Variants in SUMF1 observed in about 807,000 individuals in gnomAD.
SUMF1 encodes the protein sulfatase modifying factor 1.
A neutral mutation model predicts 47.6 loss-of-function variants in SUMF1; 48 were observed. The ratio of observed to expected loss-of-function variants is 1.01; its 90% confidence interval spans 0.80 to 1.28. The LOEUF is 1.28. Among genes scored for constraint, SUMF1 ranks in the 50% most tolerant of loss-of-function variants. The pLI is 0.00. For synonymous variants in SUMF1, 230 were observed against 192.1 expected (o/e 1.20, Z -1.63); for missense variants, 571 against 485.4 (o/e 1.18, Z -1.66).
intron 8 of SUMF1, among the ~76,000 whole-genome samples, chr3:4,109,630 AT>A (rs1454386236): frequency 6.6e-6 from 1 of 151,858 alleles, no homozygotes; most frequent in African/African-American, 2.4e-5. Flanking sequence ...ATTTCTTTTT[AT>A]TCTTTTTTCT....
intron 8 of SUMF1, among the ~76,000 whole-genome samples, chr3:4,075,819 C>G (rs1007206103): frequency 1.3e-5 from 2 of 152,112 alleles, no homozygotes; most frequent in African/African-American, 4.8e-5. Context: ...CTACAAACCA[C>G]TGCTCAATGA....
chr3:4,085,386 G>T (rs1692650011), intron 8 of SUMF1, among the ~76,000 whole-genome samples: 1 of 152,020 alleles, frequency 6.6e-6, no homozygotes, highest in African/African-American at 2.4e-5. Context: ...CCAGAGCTTA[G>T]ACAATAGAGG....
At position 4,269,193 on chromosome 3, in the gene SUMF1, T is replaced by G. The variant is rs111855426; in HGVS notation, c.1014+107137A>C. 8.3e-3 allele frequency among the ~76,000 whole-genome samples: 1,261 copies of G among 152,218 alleles called. 15 individuals are homozygous for G. Among genetic ancestry groups the G allele is most frequent in the African/African-American group, 0.029 (1,200 of 41,528 alleles). ...CACAGAATCATTTTTTTATTATACT[T>G]TAAGTTTTAGGGTACATGTGCACAA... On this transcript the variant is annotated intron_variant and NMD_transcript_variant, in intron 8 of 12. Transcript: ENST00000448413.
intron 8 of SUMF1, among the ~76,000 whole-genome samples, chr3:4,091,617 C>T (rs1026059975): frequency 1.3e-5 from 2 of 152,056 alleles, no homozygotes; most frequent in East Asian, 3.8e-4. Flanking sequence ...AGGATAACAG[C>T]CCTTTATGAC....
At chr3:4,216,416 AAGACCTAAAAC>A (rs1695925315) in intron 8 of SUMF1, among the ~76,000 whole-genome samples, 1 of 152,158 alleles carries the variant, frequency 6.6e-6, no homozygotes, top group Non-Finnish European at 1.5e-5. Context: ...AGTTAAACAT[AAGACCTAAAAC>A]CATAAAAATC....
Position 4,420,149 on chromosome 3 carries a change from C to T in SUMF1, c.520-3G>A, listed in dbSNP as rs1385347605. ...AACCACCAGGGAGCAGCTGCAACCTCAAAGCAACCCAGAACAGGCTGATGT... is the reference window on the plus strand; with the variant it reads ...AACCACCAGGGAGCAGCTGCAACCTTAAAGCAACCCAGAACAGGCTGATGT... On this transcript the variant is annotated splice_polypyrimidine_tract_variant and splice_region_variant and intron_variant, in intron 3 of 8. Transcript: ENST00000272902. 6.2e-7 allele frequency: 1 copy of T among 1,613,700 alleles called. No individual in the cohort carries two copies. Among genetic ancestry groups the T allele is most frequent in the African/African-American group, 1.3e-5 (1 of 74,976 alleles).
intron 1 of SUMF1, among the ~76,000 whole-genome samples, chr3:4,456,714 A>ATGTGTG (rs2079625780): frequency 2.2e-5 from 3 of 134,012 alleles, no homozygotes; most frequent in Non-Finnish European, 3.2e-5. Context: ...ACGTATATAT[A>ATGTGTG]TACATATATA....
intron 3 of SUMF1, among the ~76,000 whole-genome samples, chr3:4,442,836 T>C (rs1403145048): frequency 1.3e-5 from 2 of 151,058 alleles, no homozygotes; most frequent in Admixed American, 1.3e-4. Flanking sequence ...CAAATGCAAA[T>C]GAGCAACAGA....
chr3:4,102,762 G>A (rs1365715970), intron 8 of SUMF1, among the ~76,000 whole-genome samples: 1 of 151,962 alleles, frequency 6.6e-6, no homozygotes, highest in Non-Finnish European at 1.5e-5. Context: ...GATTTGATAG[G>A]TGCTTGATAA....
chr3:4,349,958 A>T (rs75740986), intron 8 of SUMF1, among the ~76,000 whole-genome samples: 2 of 149,814 alleles, frequency 1.3e-5, no homozygotes, highest in South Asian at 2.1e-4. Flanking sequence ...TTTTTTTTTT[A>T]GAAGAAATAA....
intron 1 of SUMF1, among the ~76,000 whole-genome samples, chr3:4,456,117 A>C (rs1161312926): frequency 6.6e-6 from 1 of 152,248 alleles, no homozygotes. Context: ...ATGAAGGACA[A>C]AACCAAATGT....
At chr3:4,304,308 AT>A (rs1244930073) in intron 8 of SUMF1, among the ~76,000 whole-genome samples, 1 of 151,970 alleles carries the variant, frequency 6.6e-6, no homozygotes, top group Non-Finnish European at 1.5e-5. Context: ...CGCCCGGCTA[AT>A]TTTTGTATTT....
intron 8 of SUMF1, among the ~76,000 whole-genome samples, chr3:4,269,880 T>C (rs1019796652): frequency 1.4e-4 from 21 of 152,244 alleles, no homozygotes; most frequent in Admixed American, 3.3e-4. Flanking sequence ...TACAAGCTGC[T>C]CTTAGCTACC....
intron 8 of SUMF1, among the ~76,000 whole-genome samples, chr3:4,189,456 G>T (rs903404076): frequency 1.3e-5 from 2 of 151,834 alleles, no homozygotes; most frequent in South Asian, 4.2e-4. Context: ...TTCATTTTGG[G>T]GTCAGCAATA....
chr3:4,103,298 G>A (rs1693079451), intron 8 of SUMF1, among the ~76,000 whole-genome samples: 1 of 151,980 alleles, frequency 6.6e-6, no homozygotes, highest in Admixed American at 6.6e-5. Context: ...ACCTAGTTGG[G>A]TAGATAGAAA....
At chr3:4,311,622 G>A (rs1698408140) in intron 8 of SUMF1, among the ~76,000 whole-genome samples, 1 of 152,318 alleles carries the variant, frequency 6.6e-6, no homozygotes, top group Middle Eastern at 3.4e-3. Flanking sequence ...GGCAAGCTAT[G>A]TATCTAATCA....
At chr3:4,446,594 A>C (rs966290399) in intron 3 of SUMF1, among the ~76,000 whole-genome samples, 7 of 152,228 alleles carry the variant, frequency 4.6e-5, no homozygotes, top group South Asian at 2.1e-4. Context: ...TAAAAAGAAG[A>C]AGCACCAGAC....
chr3:4,329,132 A>C (rs190269247), intron 8 of SUMF1, among the ~76,000 whole-genome samples: 175 of 152,288 alleles, frequency 1.1e-3, no homozygotes, highest in South Asian at 2.3e-3. Flanking sequence ...TGGCTGCTTT[A>C]ACAGGCTGGT....
In SUMF1 at chr3:4,211,103, C is replaced by CATATATATATATATATATATATAT. The variant is rs3046240; in HGVS notation, c.1015-142359_1015-142358insATATATATATATATATATATATAT. ...GAGTTAATACTCCTTAATAAACTCC[C>CATATATATATATATATATATATAT]ATATATATATATATATATACACACA... On this transcript the variant is annotated intron_variant and NMD_transcript_variant, in intron 8 of 12. Coordinates refer to the SUMF1 transcript ENST00000448413. Among the ~76,000 whole-genome samples, 560 of 91,062 alleles carry CATATATATATATATATATATATAT rather than the reference C, an allele frequency of 6.1e-3. 8 individuals carry two copies. The highest frequency in any genetic ancestry group is 6.9e-3 in the Non-Finnish European group (319 of 46,206). 59.7% of individuals were successfully genotyped at this position (91,062 alleles called of 152,430 possible).
Sources: gnomAD v4.1 joint callset for allele counts (sites outside exome capture counted in the v4.1 genomes callset) on GRCh38, gnomAD v4.1.1 for gene constraint, MANE v1.5 for transcripts, NCBI Gene and HGNC (gene_info 2026-07-23, HGNC 2026-07-21) for gene names.